Variants in ABHD12 observed in about 807,000 individuals in gnomAD.
ABHD12 encodes lysophosphatidylserine lipase ABHD12.
In ABHD12, 43 loss-of-function variants were observed where a neutral mutation model predicts 58.3. That is an observed-to-expected ratio of 0.74 (90% confidence interval 0.58 to 0.95). ABHD12 has a LOEUF of 0.95. Among genes scored for constraint, ABHD12 ranks in the 40% least tolerant of loss-of-function variants. The pLI is 0.00. For missense variants in ABHD12, 539 were observed against 537.2 expected (o/e 1.00, Z -0.03); for synonymous variants, 219 against 211.2 (o/e 1.04, Z -0.32).
intron 1 of ABHD12, among the ~76,000 whole-genome samples, chr20:25,362,630 G>C (rs1428594940): frequency 1.3e-5 from 2 of 150,218 alleles, no homozygotes; most frequent in Non-Finnish European, 1.5e-5. Context: ...GGGGAGGGGA[G>C]GGGAGGGGAC....
At position 25,341,326 on chromosome 20, in the gene ABHD12, T is replaced by G. The variant is rs576552406; in HGVS notation, c.192-1975A>C. Among the ~76,000 whole-genome samples, 4 of 152,340 alleles carry G rather than the reference T, an allele frequency of 2.6e-5. No homozygotes were observed. The South Asian group carries it at 8.3e-4, about 32-fold the overall frequency. ...GCTGGGCTACCAGGGACAAGGCCAT[T>G]GGACTGACACAGTAAGTCAGGAATA... On this transcript the variant is annotated intron_variant, in intron 1 of 12. Coordinates refer to ENST00000339157, the MANE Select transcript of ABHD12 (RefSeq NM_001042472.3).
downstream of ABHD12, among the ~76,000 whole-genome samples, chr20:25,298,903 C>T (rs2258884): frequency 0.45 from 68,365 of 151,950 alleles, 15,992 homozygotes; most frequent in East Asian, 0.92. Context: ...TGCATCTGGG[C>T]GGGCGGCACC....
At chr20:25,338,575 T>C (rs1242004630) in intron 2 of ABHD12, among the ~76,000 whole-genome samples, 1 of 151,976 alleles carries the variant, frequency 6.6e-6, no homozygotes, top group Non-Finnish European at 1.5e-5. Context: ...TCCTCCCACA[T>C]CTCCAAAAGT....
At chr20:25,303,973 TAAAA>T (rs1256698924) in intron 10 of ABHD12, among the ~76,000 whole-genome samples, 1 of 152,212 alleles carries the variant, frequency 6.6e-6, no homozygotes, top group African/African-American at 2.4e-5. Flanking sequence ...AATCTGTTGG[TAAAA>T]AAAGTCAATG....
At chr20:25,340,768 C>T (rs755927804) in intron 1 of ABHD12, among the ~76,000 whole-genome samples, 18 of 152,158 alleles carry the variant, frequency 1.2e-4, no homozygotes, top group Non-Finnish European at 1.3e-4. Context: ...TATAATTCCA[C>T]GTCTAAAATT....
At chr20:25,370,166 G>A (rs992120754) in intron 1 of ABHD12, among the ~76,000 whole-genome samples, 1 of 152,122 alleles carries the variant, frequency 6.6e-6, no homozygotes, top group South Asian at 2.1e-4. Flanking sequence ...ACTGTGGGGG[G>A]TCCCCTTGAG....
chr20:25,323,771 G>A (rs530838330), intron 2 of ABHD12, among the ~76,000 whole-genome samples: 139 of 152,274 alleles, frequency 9.1e-4, no homozygotes, highest in African/African-American at 3.3e-3. Flanking sequence ...AGATGCAAAT[G>A]AGGGAAGGAA....
downstream of ABHD12, among the ~76,000 whole-genome samples, chr20:25,298,290 A>AGTT (rs2088582665): frequency 6.6e-6 from 1 of 151,478 alleles, no homozygotes; most frequent in African/African-American, 2.4e-5. Context: ...TTTGAGATGG[A>AGTT]GTTTTGCTTT....
chr20:25,307,876 T>A lies in ABHD12; in HGVS notation c.867+90A>T, dbSNP rs2088773861. On this transcript the variant is annotated intron_variant, in intron 9 of 12. Coordinates refer to ENST00000339157, the MANE Select transcript of ABHD12 (RefSeq NM_001042472.3). ...ATTAGAATATTTAAATAACAATTTT[T>A]AATAATTATTATAATGTATCCTGTA... 4.8e-5 allele frequency: 26 copies of A among 539,374 alleles called. No homozygotes were observed. In the East Asian group the frequency reaches 8.3e-4, roughly 17 times the overall value. 33.4% of individuals were successfully genotyped at this position (539,374 alleles called of 1,614,324 possible). A position where few individuals can be genotyped will look rare whatever the true frequency, so the allele number is the denominator to read the frequency against.
At chr20:25,344,327 T>C (rs1204115208) in intron 1 of ABHD12, among the ~76,000 whole-genome samples, 2 of 152,158 alleles carry the variant, frequency 1.3e-5, no homozygotes, top group East Asian at 3.8e-4. Flanking sequence ...TTGGAACTAA[T>C]TAGTGATTAT....
At chr20:25,380,314 T>A (rs2090007640) in intron 1 of ABHD12, among the ~76,000 whole-genome samples, 1 of 152,178 alleles carries the variant, frequency 6.6e-6, no homozygotes. Context: ...CAGGCTGGAA[T>A]GCAATGGCGC....
downstream of ABHD12, chr20:25,295,494 G>A: frequency 1.5e-6 from 2 of 1,315,626 alleles, no homozygotes; most frequent in Non-Finnish European, 1.1e-6. Flanking sequence ...CTTCGCTCCA[G>A]ACAGGACCAG....
downstream of ABHD12, chr20:25,297,873 C>A (rs1402015407): frequency 6.6e-6 from 1 of 152,298 alleles, no homozygotes; most frequent in Non-Finnish European, 1.5e-5. Context: ...CAGCATCTTC[C>A]CCAGGCAGCG....
intron 2 of ABHD12, among the ~76,000 whole-genome samples, chr20:25,331,589 A>G (rs2089277494): frequency 6.6e-6 from 1 of 152,204 alleles, no homozygotes; most frequent in African/African-American, 2.4e-5. Flanking sequence ...GAAGCCCATC[A>G]GACTAAAAGC....
At chr20:25,350,300 A>G (rs1361102362) in intron 1 of ABHD12, among the ~76,000 whole-genome samples, 2 of 152,362 alleles carry the variant, frequency 1.3e-5, no homozygotes, top group African/African-American at 4.8e-5. Context: ...GAAGATAAAA[A>G]AATAGTTGTC....
At chr20:25,339,598 T>C (rs765530266) in intron 1 of ABHD12, 14 of 1,461,088 alleles carry the variant, frequency 9.6e-6, no homozygotes, top group Non-Finnish European at 1.2e-5. Context: ...GACATAGAAA[T>C]AGCTAATGAT....
At chr20:25,308,203 G>T (rs151155205) in intron 8 of ABHD12, among the ~76,000 whole-genome samples, 158 bp from the exon 9 acceptor site, 1 of 152,220 alleles carries the variant, frequency 6.6e-6, no homozygotes, top group East Asian at 1.9e-4. Flanking sequence ...AGGGGTGCCC[G>T]CCAGGGGAAC....
chr20:25,359,840 G>C (rs2089720977), intron 1 of ABHD12, among the ~76,000 whole-genome samples: 1 of 152,124 alleles, frequency 6.6e-6, no homozygotes, highest in Non-Finnish European at 1.5e-5. Context: ...AAAAGTGCTA[G>C]GATTATAGGC....
intron 1 of ABHD12, among the ~76,000 whole-genome samples, chr20:25,343,165 T>C (rs896666485): frequency 1.3e-5 from 2 of 152,136 alleles, no homozygotes; most frequent in East Asian, 1.9e-4. Flanking sequence ...ACGTAAGAAA[T>C]AGACAATCTG....
Sources: allele counts gnomAD v4.1 joint callset (sites outside exome capture counted in the v4.1 genomes callset), GRCh38; gene constraint gnomAD v4.1.1; transcripts MANE v1.5; gene names NCBI Gene and HGNC (gene_info 2026-07-23, HGNC 2026-07-21).